The following SORL1 variants were observed in gnomAD, a reference collection of about 807,000 sequenced individuals.
The protein encoded by SORL1 is sortilin related receptor 1.
In SORL1, 127 loss-of-function variants were observed where a neutral mutation model predicts 273.7. That is an observed-to-expected ratio of 0.46 (90% CI 0.40 to 0.54). The LOEUF is 0.54. Among genes scored for constraint, SORL1 ranks in the 20% least tolerant of loss-of-function variants. SORL1 has a pLI of 0.00. For missense variants in SORL1, 2,494 were observed against 2,846.1 expected, an observed-to-expected ratio of 0.88 and a Z score of 2.81; for synonymous variants, 1,031 against 1,067.4, an observed-to-expected ratio of 0.97 and a Z score of 0.66.
At chr11:121,511,987 ATGCCTCCCTG>A (rs1459295007) in intron 6 of SORL1, among the ~76,000 whole-genome samples, 2 of 152,200 alleles carry the variant, frequency 1.3e-5, no homozygotes, top group East Asian at 3.8e-4. Context: ...ACATGAGGGT[ATGCCTCCCTG>A]TGTCTTTCCT....
chr11:121,595,188 C>G lies in SORL1; in HGVS notation c.4370-435C>G, dbSNP rs1188356267. Among the ~76,000 whole-genome samples the G allele has an allele frequency of 6.6e-6, 1 of 152,210 alleles. No homozygotes were observed. On this transcript the variant is annotated intron_variant, in intron 31 of 47. Transcript: ENST00000260197. The surrounding 1 kb of genome is among the most constrained non-coding windows in gnomAD (Gnocchi z 5.1). ...AGCTGCGTCTTAAACATCATTCAGTCAGTTCCCTTATTTTAACTCCTTCTT... is the reference window on the plus strand; with the variant it reads ...AGCTGCGTCTTAAACATCATTCAGTGAGTTCCCTTATTTTAACTCCTTCTT...
intron 22 of SORL1, among the ~76,000 whole-genome samples, chr11:121,567,898 T>TA (rs1862776698): frequency 1.3e-5 from 2 of 151,840 alleles, no homozygotes; most frequent in African/African-American, 4.8e-5. Flanking sequence ...CCTTTTTTTT[T>TA]ATATATATTT....
intron 11 of SORL1, among the ~76,000 whole-genome samples, chr11:121,528,622 C>T (rs1004410268): frequency 2.6e-5 from 4 of 152,074 alleles, no homozygotes; most frequent in African/African-American, 7.2e-5. Context: ...TTTTTATCTT[C>T]GAATGATAAG....
chr11:121,554,236 T>C lies in SORL1; in HGVS notation c.2439+127T>C, dbSNP rs1442988002. 1.3e-6 allele frequency: 1 copy of C among 778,804 alleles called. No homozygotes were observed. Among genetic ancestry groups the C allele is most frequent in the Non-Finnish European group, 2.0e-6 (1 of 490,620 alleles). The allele number at this position is 778,804 out of a possible 1,614,324, so 48.2% of individuals were successfully genotyped here. A position where few individuals can be genotyped will look rare whatever the true frequency, so the allele number is the denominator to read the frequency against. ...TTGTAAGTGTTACTCATCTCAGGGCTGACAGGTGAAAGTTTCCAGTCTTCT... is the reference window on the plus strand; with the variant it reads ...TTGTAAGTGTTACTCATCTCAGGGCCGACAGGTGAAAGTTTCCAGTCTTCT... On this transcript the variant is annotated intron_variant, in intron 17 of 47. Coordinates refer to ENST00000260197, the MANE Select transcript of SORL1 (RefSeq NM_003105.6). The surrounding 1 kb of genome is among the most constrained non-coding windows in gnomAD (Gnocchi z 4.6).
intron 1 of SORL1, among the ~76,000 whole-genome samples, chr11:121,454,172 G>A (rs1479614324): frequency 2.0e-5 from 3 of 152,256 alleles, no homozygotes; most frequent in Admixed American, 2.0e-4. Flanking sequence ...CCAGCATGGG[G>A]CTGATGGAGG....
At chr11:121,589,524 C>T in intron 29 of SORL1, 134 bp downstream of exon 29, 1 of 1,088,518 alleles carries the variant, frequency 9.2e-7, no homozygotes, top group Non-Finnish European at 1.4e-6. Flanking sequence ...GCTGCCAGTT[C>T]CTGAATACTC....
intron 6 of SORL1, among the ~76,000 whole-genome samples, chr11:121,499,909 A>G (rs1302713526): frequency 1.3e-5 from 2 of 152,236 alleles, no homozygotes; most frequent in Admixed American, 1.3e-4. Flanking sequence ...AGCACCATGA[A>G]TGATTACAGT....
At chr11:121,599,577 G>T (rs1263588623) in intron 32 of SORL1, among the ~76,000 whole-genome samples, 1 of 152,140 alleles carries the variant, frequency 6.6e-6, no homozygotes, top group Non-Finnish European at 1.5e-5. Flanking sequence ...AATTCAGATG[G>T]TGGGGGATAT....
chr11:121,590,264 C>A (rs554411622), intron 30 of SORL1, 90 bp downstream of exon 30: 3 of 1,369,702 alleles, frequency 2.2e-6, no homozygotes, highest in South Asian at 1.5e-5. Flanking sequence ...TGGCTGATTC[C>A]GTGTTTTGGG....
At chr11:121,530,462 G>T (rs929214653) in intron 11 of SORL1, among the ~76,000 whole-genome samples, 1 of 152,146 alleles carries the variant, frequency 6.6e-6, no homozygotes, top group African/African-American at 2.4e-5. Context: ...CTTTAAAGAT[G>T]TCTACTGTTT....
intron 32 of SORL1, among the ~76,000 whole-genome samples, chr11:121,598,477 T>C (rs1016559393): frequency 6.6e-6 from 1 of 152,200 alleles, no homozygotes; most frequent in African/African-American, 2.4e-5. Flanking sequence ...GGTTCATTGA[T>C]TGACATCAGC....
chr11:121,629,659 A>G lies in SORL1; in HGVS notation c.*96A>G, dbSNP rs1373410132. Reference sequence around the variant, plus strand: ...TAAAAGATGCACTTTGAGTTGCAATATGTTATTTTTATATGGGCCAAAAAC... The same window carrying G: ...TAAAAGATGCACTTTGAGTTGCAATGTGTTATTTTTATATGGGCCAAAAAC... On this transcript the variant is annotated 3_prime_UTR_variant, in exon 48 of 48. Transcript: ENST00000260197. 2 of 641,730 alleles carry G rather than the reference A, an allele frequency of 3.1e-6. No homozygotes were observed. The highest frequency in any genetic ancestry group is 5.1e-5 in the Admixed American group (2 of 39,144). The allele number at this position is 641,730 out of a possible 1,614,324, so 39.8% of individuals were successfully genotyped here. A position where few individuals can be genotyped will look rare whatever the true frequency, so the allele number is the denominator to read the frequency against.
At chr11:121,484,192 G>A (rs145688464) in intron 3 of SORL1, among the ~76,000 whole-genome samples, 353 of 152,316 alleles carry the variant, frequency 2.3e-3, no homozygotes, top group African/African-American at 8.1e-3. Flanking sequence ...TTAGGGAAAT[G>A]TGTCTTCTGG....
At chr11:121,566,871 C>T in intron 21 of SORL1, 69 bp from the exon 22 acceptor site, 1 of 1,446,598 alleles carries the variant, frequency 6.9e-7, no homozygotes, top group South Asian at 1.3e-5. Flanking sequence ...CAGTGGGTCT[C>T]CTTCTTGTAT....
intron 5 of SORL1, among the ~76,000 whole-genome samples, chr11:121,494,226 G>A (rs1027147375): frequency 7.9e-5 from 12 of 151,574 alleles, no homozygotes; most frequent in Admixed American, 2.6e-4. Context: ...CTGGGAGAAA[G>A]GACTGGTTTA....
chr11:121,498,550 A>G (rs1281031401), intron 6 of SORL1, among the ~76,000 whole-genome samples: 1 of 152,102 alleles, frequency 6.6e-6, no homozygotes, highest in African/African-American at 2.4e-5. Context: ...TAACCGGGTT[A>G]TTTCTAGGTG....
chr11:121,562,628 T>C (rs1231847299), intron 21 of SORL1, among the ~76,000 whole-genome samples: 1 of 152,170 alleles, frequency 6.6e-6, no homozygotes, highest in Non-Finnish European at 1.5e-5. Flanking sequence ...GCAGTTCTTG[T>C]ACGCAAGGAA....
intron 11 of SORL1, among the ~76,000 whole-genome samples, chr11:121,524,241 C>G (rs1862086074): frequency 6.6e-6 from 1 of 152,258 alleles, no homozygotes; most frequent in Non-Finnish European, 1.5e-5. Flanking sequence ...ATCCTCTTCT[C>G]TGCGAATAGG....
chr11:121,546,995 G>A (rs1437198038), intron 14 of SORL1: 2 of 152,222 alleles, frequency 1.3e-5, no homozygotes, highest in Non-Finnish European at 2.9e-5. Flanking sequence ...GAACAGAGAA[G>A]ACAGTCATTT....
Sources: allele counts gnomAD v4.1 joint callset (sites outside exome capture counted in the v4.1 genomes callset), GRCh38; gene constraint gnomAD v4.1.1; non-coding constraint Gnocchi (gnomAD v3.1); transcripts MANE v1.5; gene names NCBI Gene and HGNC (gene_info 2026-07-23, HGNC 2026-07-21).